The following TMED3 variants were observed in gnomAD, a reference collection of about 807,000 sequenced individuals.
The protein encoded by TMED3 is transmembrane emp24 domain-containing protein 3.
A neutral mutation model predicts 15.0 loss-of-function variants in TMED3; 9 were observed. That is an observed-to-expected ratio of 0.60 (90% CI 0.36 to 1.04). The LOEUF (loss-of-function observed/expected upper bound fraction) is 1.04. Among genes scored for constraint, TMED3 ranks in the 50% least tolerant of loss-of-function variants. TMED3 has a pLI of 0.01. For synonymous variants in TMED3, 117 were observed against 121.4 expected, an observed-to-expected ratio of 0.96 and a Z score of 0.24; for missense variants, 267 against 278.9, an observed-to-expected ratio of 0.96 and a Z score of 0.30.
chr15:79,411,536 A>C (rs898400935), exon 3 of TMED3: 1 of 700,688 alleles, frequency 1.4e-6, no homozygotes, highest in Non-Finnish European at 2.6e-6. Context: ...CTGAGAGTGG[A>C]TGGAGGGAAG....
At chr15:79,406,717 T>C (rs1239466665) in intron 2 of TMED3, among the ~76,000 whole-genome samples, 1 of 152,194 alleles carries the variant, frequency 6.6e-6, no homozygotes, top group Non-Finnish European at 1.5e-5. Context: ...AACTCCACTT[T>C]TTCTGTTTTG....
At position 79,313,881 on chromosome 15, in the gene TMED3, A is replaced by T; in HGVS notation, c.293A>T (p.Tyr98Phe). The change falls in exon 2 of 3, where the codon TAT (tyrosine) becomes TTT (phenylalanine). Residue 98 changes from tyrosine to phenylalanine, a missense_variant. Coordinates refer to ENST00000299705, the MANE Select transcript of TMED3 (RefSeq NM_007364.4). ...FTYRAEVKGV[Y>F]QFCFSNEFST... ...TACCGGGCTGAAGTCAAGGGCGTTT[A>T]TCAGTTTTGCTTCAGTAATGAGTTT... 6.2e-7 allele frequency: 1 copy of T among 1,614,236 alleles called. No individual in the cohort carries two copies. The highest frequency in any genetic ancestry group is 8.5e-7 in the Non-Finnish European group (1 of 1,180,048).
intron 2 of TMED3, among the ~76,000 whole-genome samples, chr15:79,376,111 T>G (rs1200165606): frequency 1.4e-5 from 1 of 71,620 alleles, no homozygotes; most frequent in Admixed American, 1.4e-4. Context: ...TTTTTTTTTT[T>G]TTTTTTTTTT....
At chr15:79,315,115 T>A (rs6495391) in intron 2 of TMED3, among the ~76,000 whole-genome samples, 1 of 152,174 alleles carries the variant, frequency 6.6e-6, no homozygotes, top group South Asian at 2.1e-4. Context: ...CAAGGTGGCA[T>A]CCTTCCTCTG....
At chr15:79,395,795 T>C (rs934334057) in intron 2 of TMED3, among the ~76,000 whole-genome samples, 3 of 152,230 alleles carry the variant, frequency 2.0e-5, no homozygotes, top group African/African-American at 7.2e-5. Context: ...TTAATGAAAG[T>C]CTGTGTGTAA....
chr15:79,398,227 G>A (rs542080935), intron 2 of TMED3, among the ~76,000 whole-genome samples: 19 of 151,938 alleles, frequency 1.3e-4, no homozygotes, highest in Non-Finnish European at 2.5e-4. Context: ...CATGTAGTTG[G>A]AATTACACAG....
intron 2 of TMED3, among the ~76,000 whole-genome samples, chr15:79,391,613 C>T (rs1261037230): frequency 6.6e-6 from 1 of 152,040 alleles, no homozygotes; most frequent in Non-Finnish European, 1.5e-5. Context: ...AATTTAAATC[C>T]ATTGTTTCTT....
chr15:79,359,038 A>G (rs960084327), intron 2 of TMED3, among the ~76,000 whole-genome samples: 2 of 152,154 alleles, frequency 1.3e-5, no homozygotes, highest in African/African-American at 2.4e-5. Flanking sequence ...CACCTCATCT[A>G]TCAGGAGTAC....
chr15:79,336,706 CAA>C, intron 2 of TMED3, among the ~76,000 whole-genome samples: 6 of 131,326 alleles, frequency 4.6e-5, no homozygotes, highest in Middle Eastern at 4.5e-3. Flanking sequence ...AACAAACAAA[CAA>C]ACAAACACAA....
At chr15:79,402,904 C>T (rs1893852967) in intron 2 of TMED3, among the ~76,000 whole-genome samples, 1 of 151,956 alleles carries the variant, frequency 6.6e-6, no homozygotes, top group African/African-American at 2.4e-5. Context: ...GCCAGAGAGC[C>T]TTGTGAAGGA....
intron 2 of TMED3, among the ~76,000 whole-genome samples, chr15:79,398,483 G>A (rs1893791393): frequency 6.6e-6 from 1 of 152,104 alleles, no homozygotes; most frequent in South Asian, 2.1e-4. Context: ...CAGTGGTGTA[G>A]TTTGACGGCC....
intron 2 of TMED3, among the ~76,000 whole-genome samples, chr15:79,342,385 A>C (rs1204072214): frequency 6.6e-6 from 1 of 152,130 alleles, no homozygotes; most frequent in African/African-American, 2.4e-5. Context: ...AGAAAAATAA[A>C]GCAGTGTCAC....
chr15:79,340,226 C>T (rs2141228265), intron 2 of TMED3, among the ~76,000 whole-genome samples: 1 of 152,256 alleles, frequency 6.6e-6, no homozygotes, highest in East Asian at 1.9e-4. Context: ...CAATAAAGTT[C>T]AACTTTACCT....
At chr15:79,315,022 A>G (rs539142493) in intron 2 of TMED3, among the ~76,000 whole-genome samples, 2 of 152,314 alleles carry the variant, frequency 1.3e-5, no homozygotes, top group Non-Finnish European at 2.9e-5. Context: ...AGGAATAACC[A>G]TCGATAGCAG....
At chr15:79,313,183 C>G (rs1446572439) in intron 1 of TMED3, among the ~76,000 whole-genome samples, 1 of 151,980 alleles carries the variant, frequency 6.6e-6, no homozygotes, top group African/African-American at 2.4e-5. Flanking sequence ...TGCTGTGTGT[C>G]TTGTGTTAAG....
intron 2 of TMED3, among the ~76,000 whole-genome samples, chr15:79,381,279 A>G (rs182122464): frequency 6.6e-6 from 1 of 152,322 alleles, no homozygotes; most frequent in African/African-American, 2.4e-5. Flanking sequence ...TAACCTTAAC[A>G]GCCTTGAACA....
chr15:79,374,958 A>G (rs1223589633), intron 2 of TMED3, among the ~76,000 whole-genome samples: 1 of 152,198 alleles, frequency 6.6e-6, no homozygotes, highest in Non-Finnish European at 1.5e-5. Flanking sequence ...GAGCAGATAC[A>G]TGAAGGTCTT....
chr15:79,322,039 A>T lies in TMED3; in HGVS notation c.479A>T (p.His160Leu), dbSNP rs576317238. ...ALKTVIDSQT[H>L]YRLREAQDRA... ...AAAACGGTGATTGACTCCCAGACGC[A>T]TTACCGGCTGCGGGAGGCCCAGGAC... is the stretch of plus-strand genomic sequence containing the variant. The change falls in exon 3 of 3, where the codon CAT becomes CTT. Residue 160 changes from histidine (H) to leucine (L), a missense_variant. Around this residue, in one of 3 missense-constraint regions of TMED3, gnomAD observed 139 missense variants for 125.0 expected, o/e 1.11. Coordinates refer to ENST00000299705, the MANE Select transcript of TMED3 (RefSeq NM_007364.4). 2 of 1,614,216 alleles carry T rather than the reference A, an allele frequency of 1.2e-6. No homozygotes were observed. The highest frequency in any genetic ancestry group is 1.7e-5 in the Admixed American group (1 of 60,030).
Position 79,382,410 on chromosome 15 carries a change from A to G in TMED3, c.418-28990A>G, listed in dbSNP as rs372293018. 3.3e-4 allele frequency among the ~76,000 whole-genome samples: 51 copies of G among 152,290 alleles called. No homozygotes were observed. In the South Asian group the frequency reaches 0.01, roughly 30 times the overall value. ...AAACAAAATAGTTGTGACTAGCCCT[A>G]CCTTCTCTTGGCTGACAGTAGTACC... On this transcript the variant is annotated intron_variant, in intron 2 of 2. Transcript: ENST00000424155.
Sources: allele counts gnomAD v4.1 joint callset (sites outside exome capture counted in the v4.1 genomes callset), GRCh38; gene constraint gnomAD v4.1.1; regional missense constraint gnomAD v4.1.1; transcripts MANE v1.5; gene names NCBI Gene and HGNC (gene_info 2026-07-23, HGNC 2026-07-21).